The following PKHD1 variants were observed in gnomAD, a reference collection of about 807,000 sequenced individuals.
PKHD1 encodes the protein PKHD1 ciliary IPT domain containing fibrocystin/polyductin.
A neutral mutation model predicts 412.0 loss-of-function variants in PKHD1; 291 were observed. The observed-to-expected ratio is 0.71, with a 90% CI of 0.64 to 0.78. The LOEUF is 0.78. Ranked by LOEUF, PKHD1 falls within the 30% of genes least tolerant of loss-of-function variation. PKHD1 has a pLI of 0.00. For missense variants in PKHD1, 4,825 were observed against 4,950.7 expected, an observed-to-expected ratio of 0.97 and a Z score of 0.76; for synonymous variants, 1,777 against 1,821.5, an observed-to-expected ratio of 0.98 and a Z score of 0.62.
chr6:52,007,197 C>A (rs749337323), intron 35 of PKHD1, among the ~76,000 whole-genome samples: 1 of 152,174 alleles, frequency 6.6e-6, no homozygotes, highest in Non-Finnish European at 1.5e-5. Flanking sequence ...TTTTCTCTGG[C>A]TAGATACCCA....
Position 51,880,779 on chromosome 6 carries a change from TAAAAAAAAAAA to T in PKHD1, c.7350+2303_7350+2313del, listed in dbSNP as rs71544105. Among the ~76,000 whole-genome samples, 20 of 30,042 alleles carry T rather than the reference TAAAAAAAAAAA, an allele frequency of 6.7e-4. 1 individual carries two copies. The highest frequency in any genetic ancestry group is 3.9e-3 in the African/African-American group (19 of 4,928). The allele number at this position is 30,042 out of a possible 152,430, so 19.7% of individuals were successfully genotyped here. On this transcript the variant is annotated intron_variant, in intron 46 of 66. Coordinates refer to ENST00000371117, the MANE Select transcript of PKHD1 (RefSeq NM_138694.4). ...CTTAGAGTATAATAAAAAAAAAAAT[TAAAAAAAAAAA>T]AAAAAAAAAAAAAAAAACACAAAAA... is the stretch of plus-strand genomic sequence containing the variant.
intron 60 of PKHD1, among the ~76,000 whole-genome samples, chr6:51,662,854 CAG>C (rs1444949920): frequency 6.6e-6 from 1 of 151,872 alleles, no homozygotes; most frequent in Admixed American, 6.6e-5. Flanking sequence ...CAAGATAAAA[CAG>C]AAATTTTGAA....
rs368095933 is a variant in PKHD1, at chr6:51,976,230, G to A, written c.5752-16204C>T. 1.4e-4 allele frequency among the ~76,000 whole-genome samples: 21 copies of A among 152,256 alleles called. 1 individual carries two copies. The highest frequency in any genetic ancestry group is 4.8e-4 in the African/African-American group (20 of 41,554). On this transcript the variant is annotated intron_variant, in intron 35 of 66. Transcript: ENST00000371117. ...GCATTATTTACAATAGCCAAAAGGT[G>A]GAAGCAACTCATGTGCATTGACAGA...
At chr6:51,953,464 T>G (rs1246226385) in intron 36 of PKHD1, among the ~76,000 whole-genome samples, 1 of 151,924 alleles carries the variant, frequency 6.6e-6, no homozygotes, top group Non-Finnish European at 1.5e-5. Flanking sequence ...AAGCAACATC[T>G]CAGGAAAGTT....
At chr6:51,650,512 A>G (rs1419872647) in intron 61 of PKHD1, among the ~76,000 whole-genome samples, 1 of 152,048 alleles carries the variant, frequency 6.6e-6, no homozygotes, top group Non-Finnish European at 1.5e-5. Context: ...CAACTATTCT[A>G]TTTCCTAACC....
At chr6:51,640,143 A>G (rs1769150089) in intron 63 of PKHD1, among the ~76,000 whole-genome samples, 2 of 152,234 alleles carry the variant, frequency 1.3e-5, no homozygotes, top group Admixed American at 1.3e-4. Flanking sequence ...GCAAACAATG[A>G]ACTGAAGAGT....
At chr6:51,890,413 A>G (rs1778920860) in intron 43 of PKHD1, among the ~76,000 whole-genome samples, 1 of 152,128 alleles carries the variant, frequency 6.6e-6, no homozygotes, top group South Asian at 2.1e-4. Context: ...CCTCCCCAGT[A>G]GTGGAGACAA....
intron 60 of PKHD1, among the ~76,000 whole-genome samples, chr6:51,729,174 T>C (rs1308511784): frequency 6.6e-6 from 1 of 152,226 alleles, no homozygotes; most frequent in Admixed American, 6.5e-5. Context: ...GCAATGACTT[T>C]CAAGAACTTA....
chr6:51,639,087 C>T, intron 63 of PKHD1, 131 bp from the exon 64 acceptor site: 1 of 739,750 alleles, frequency 1.4e-6, no homozygotes, highest in Non-Finnish European at 2.5e-6. Flanking sequence ...TTACCTAATC[C>T]ATCAGGTTCT....
intron 44 of PKHD1, among the ~76,000 whole-genome samples, chr6:51,886,719 C>T (rs931236257): frequency 1.3e-5 from 2 of 152,174 alleles, no homozygotes; most frequent in Admixed American, 1.3e-4. Context: ...TAGAGATATA[C>T]AGTATGGCAA....
intron 60 of PKHD1, among the ~76,000 whole-genome samples, chr6:51,673,074 A>G (rs144900435): frequency 2.0e-5 from 3 of 152,354 alleles, no homozygotes; most frequent in East Asian, 1.9e-4. Context: ...GAGATAATAT[A>G]TAAACTGACA....
In PKHD1 at chr6:51,934,255, A is replaced by G. The variant is rs371017079; in HGVS notation, c.5976T>C (p.Asp1992=). 2.5e-6 allele frequency: 4 copies of G among 1,613,748 alleles called. No homozygotes were observed. Among genetic ancestry groups the G allele is most frequent in the African/African-American group, 1.3e-5 (1 of 74,918 alleles). The change falls in exon 37 of 67, where the codon GAT becomes GAC. Residue 1992 remains aspartate, a synonymous_variant. Coordinates refer to ENST00000371117, the MANE Select transcript of PKHD1 (RefSeq NM_138694.4). The part of the protein sequence containing the change: ...ELRAHAILVS[D]GGELRIGSED... ...CGGATCCAATCCGGAGCTCTCCACC[A>G]TCAGAAACAAGGATGGCGTGTGCCC...
intron 52 of PKHD1, among the ~76,000 whole-genome samples, chr6:51,821,962 C>A (rs1407768529): frequency 6.6e-6 from 1 of 152,240 alleles, no homozygotes; most frequent in Non-Finnish European, 1.5e-5. Flanking sequence ...GCTGGGATTA[C>A]AGGCGTGAGC....
intron 60 of PKHD1, among the ~76,000 whole-genome samples, chr6:51,684,302 G>A (rs1777130627): frequency 6.6e-6 from 1 of 152,104 alleles, no homozygotes; most frequent in African/African-American, 2.4e-5. Flanking sequence ...TTCAGGCTGA[G>A]ATGTGAGTAA....
In PKHD1 at chr6:51,619,097, A is replaced by G; in HGVS notation, c.12209T>C (p.Ile4070Thr). 1 of 1,614,204 alleles carries G rather than the reference A, an allele frequency of 6.2e-7. No homozygotes were observed. Among genetic ancestry groups the G allele is most frequent in the East Asian group, 2.2e-5 (1 of 44,890 alleles). Residue 4070 changes from isoleucine (I) to threonine (T), a missense_variant, in exon 67 of 67, where the codon ATT becomes ACT. By Grantham distance (89) the Ile-to-Thr change is moderately conservative. Transcript: ENST00000371117. ...CTTCCCTGATCACAGTTGCTCCTGA[A>G]TAGTTTCCGGGTGTACTGAATGAAG... Reference protein sequence around the residue: ...FCLHSVHPETIQEQL With the variant: ...FCLHSVHPETTQEQL
chr6:51,962,770 G>A (rs1339542365), intron 35 of PKHD1, among the ~76,000 whole-genome samples: 1 of 151,924 alleles, frequency 6.6e-6, no homozygotes, highest in Non-Finnish European at 1.5e-5. Context: ...CCTCTGCTCA[G>A]GTATCACCTC....
At chr6:51,969,411 T>A (rs2474893) in intron 35 of PKHD1, among the ~76,000 whole-genome samples, 2,517 of 150,852 alleles carry the variant, frequency 0.017, 68 homozygotes, top group African/African-American at 0.055. Flanking sequence ...TTTTAAAAAA[T>A]TTTTTTAATA....
intron 60 of PKHD1, among the ~76,000 whole-genome samples, chr6:51,670,772 G>C (rs1357025366): frequency 1.3e-5 from 2 of 151,514 alleles, no homozygotes; most frequent in Admixed American, 1.3e-4. Context: ...GCATTTGCTT[G>C]TCTGTAAAGT....
chr6:51,897,486 C>A (rs1290671898), intron 43 of PKHD1, among the ~76,000 whole-genome samples: 1 of 150,404 alleles, frequency 6.6e-6, no homozygotes, highest in East Asian at 2.0e-4. Flanking sequence ...CACCACCAGG[C>A]CTGCCCTAAA....
Sources: gnomAD v4.1 joint callset for allele counts (sites outside exome capture counted in the v4.1 genomes callset) on GRCh38, gnomAD v4.1.1 for gene constraint, MANE v1.5 for transcripts, NCBI Gene and HGNC (gene_info 2026-07-23, HGNC 2026-07-21) for gene names.